Variants in TNN observed in about 807,000 individuals in gnomAD.
TNN encodes the protein tenascin N.
Under a neutral mutation model 134.4 loss-of-function variants are expected in TNN, and 122 were observed. The observed-to-expected ratio is 0.91, with a 90% CI of 0.78 to 1.06. The LOEUF (loss-of-function observed/expected upper bound fraction) is 1.06, where lower values mean the gene tolerates loss of function less well. TNN is among the 50% of genes least tolerant of loss of function. The probability of loss-of-function intolerance (pLI) is 0.00; values close to 1 mark genes in which losing one functional copy is unlikely to be tolerated. For missense variants in TNN, 1,739 were observed against 1,699.4 expected, an observed-to-expected ratio of 1.02 and a Z score of -0.41; for synonymous variants, 710 against 670.3, an observed-to-expected ratio of 1.06 and a Z score of -0.91.
At chr1:175,118,976 A>T (rs1011445632) in intron 11 of TNN, 152 bp downstream of exon 11, 1 of 1,164,700 alleles carries the variant, frequency 8.6e-7, no homozygotes, top group Admixed American at 2.9e-5. Context: ...CAAAACAAAA[A>T]CAAAAAACAA....
intron 16 of TNN, among the ~76,000 whole-genome samples, chr1:175,136,417 G>A (rs2072039): frequency 0.18 from 26,751 of 152,196 alleles, 2,445 homozygotes; most frequent in East Asian, 0.21. Context: ...AAAAGTCATA[G>A]TTCAGATACC....
chr1:175,093,426 T>C (rs1333574888), intron 6 of TNN, among the ~76,000 whole-genome samples: 1 of 152,232 alleles, frequency 6.6e-6, no homozygotes, highest in Non-Finnish European at 1.5e-5. Context: ...CATTGATAAC[T>C]CTTAAATGTC....
intron 11 of TNN, among the ~76,000 whole-genome samples, chr1:175,119,377 A>G (rs1675282615): frequency 6.6e-6 from 1 of 152,184 alleles, no homozygotes; most frequent in Non-Finnish European, 1.5e-5. Flanking sequence ...TCTCATTGCC[A>G]TCTTCGTTTT....
At chr1:175,087,595 A>AG in intron 6 of TNN, among the ~76,000 whole-genome samples, 1 of 152,222 alleles carries the variant, frequency 6.6e-6, no homozygotes, top group African/African-American at 2.4e-5. Context: ...CTTCTCTTAC[A>AG]CAGTCAACAC....
At position 175,067,903 on chromosome 1, in the gene TNN, C is replaced by T. The variant is rs6663050; in HGVS notation, c.-68C>T. 3,376 of 495,022 alleles carry T rather than the reference C, an allele frequency of 6.8e-3. 88 individuals carry two copies. The highest frequency in any genetic ancestry group is 0.059 in the African/African-American group (3,026 of 51,530). The allele number at this position is 495,022 out of a possible 1,614,324, so 30.7% of individuals were successfully genotyped here. ...GGAGGAGACCGGCTCACAGGAGCAG[C>T]AGCATTGGAAGAGGCACCCAGCAGC... is the stretch of plus-strand genomic sequence containing the variant. On this transcript the variant is annotated 5_prime_UTR_variant, in exon 1 of 19. Transcript: ENST00000239462.
intron 17 of TNN, among the ~76,000 whole-genome samples, chr1:175,138,527 C>T (rs1036366101): frequency 3.3e-5 from 5 of 151,950 alleles, no homozygotes; most frequent in Non-Finnish European, 4.4e-5. Flanking sequence ...GCTACAGACA[C>T]GGGGAAACTG....
intron 17 of TNN, 127 bp downstream of exon 17, chr1:175,137,115 G>A (rs1675832320): frequency 8.1e-6 from 8 of 990,394 alleles, no homozygotes; most frequent in Non-Finnish European, 8.9e-6. Context: ...CTCATTGACA[G>A]TGGAGGTCCT....
chr1:175,098,480 G>A lies in TNN; in HGVS notation c.2004G>A (p.Lys668=). 5 of 1,614,224 alleles carry A rather than the reference G, an allele frequency of 3.1e-6. No individual in the cohort carries two copies. Among genetic ancestry groups the A allele is most frequent in the Non-Finnish European group, 4.2e-6 (5 of 1,180,048 alleles). ...GGETREVPVG[K]EQSSTVLTGL... is the part of the protein sequence containing the mutation. The stretch of plus-strand genomic sequence containing the variant: ...AGACCAGGGAGGTTCCGGTGGGGAA[G>A]GAGCAGAGCAGCACAGTCCTGACAG... Residue 668 remains lysine, a synonymous_variant, in exon 9 of 19, where the codon AAG becomes AAA. Transcript: ENST00000239462.
At chr1:175,080,570 G>A (rs1674176954) in intron 4 of TNN, 144 bp downstream of exon 4, 2 of 1,042,374 alleles carry the variant, frequency 1.9e-6, no homozygotes, top group Admixed American at 5.1e-5. Context: ...AAGAGTCCCA[G>A]TTCTCTCTCT....
At chr1:175,088,476 T>A (rs942962633) in intron 6 of TNN, among the ~76,000 whole-genome samples, 2 of 152,190 alleles carry the variant, frequency 1.3e-5, no homozygotes, top group African/African-American at 2.4e-5. Flanking sequence ...TTTCATACTG[T>A]TTGCTTCCTA....
chr1:175,103,175 G>A (rs990020219), intron 9 of TNN, among the ~76,000 whole-genome samples: 5 of 146,554 alleles, frequency 3.4e-5, no homozygotes, highest in Non-Finnish European at 7.6e-5. Flanking sequence ...CAAGATGGCT[G>A]CCACAGGACC....
In TNN at chr1:175,110,724, A is replaced by G. The variant is rs1674996382; in HGVS notation, c.2120-6215A>G. 2.0e-5 allele frequency among the ~76,000 whole-genome samples: 3 copies of G among 152,106 alleles called. No homozygotes were observed. The South Asian group carries it at 6.2e-4, about 32-fold the overall frequency. ...TTCTCTATTCTGTTCCATTGTGCCT[A>G]TGTGTCCGTTTTTATGCCAGGTCCA... On this transcript the variant is annotated intron_variant, in intron 9 of 18. Transcript: ENST00000239462.
intron 9 of TNN, among the ~76,000 whole-genome samples, chr1:175,113,546 T>C (rs1348954141): frequency 6.6e-6 from 1 of 152,206 alleles, no homozygotes. Context: ...AAGGACCTTT[T>C]TGGGGTTGAA....
chr1:175,130,099 T>A (rs1163922579), intron 15 of TNN, among the ~76,000 whole-genome samples: 1 of 152,170 alleles, frequency 6.6e-6, no homozygotes, highest in Non-Finnish European at 1.5e-5. Context: ...CCCTTGCCCC[T>A]TTTCTCCCTG....
chr1:175,093,904 C>T, intron 6 of TNN, 86 bp from the exon 7 acceptor site: 1 of 1,434,954 alleles, frequency 7.0e-7, no homozygotes, highest in Non-Finnish European at 9.5e-7. Flanking sequence ...ACTAGGTCAC[C>T]CAGGTGAACT....
At chr1:175,108,125 T>A (rs1674905931) in intron 9 of TNN, among the ~76,000 whole-genome samples, 1 of 144,150 alleles carries the variant, frequency 6.9e-6, no homozygotes, top group Non-Finnish European at 1.5e-5. Context: ...GTTCTCCACA[T>A]CCTCACCAGA....
chr1:175,133,618 A>G (rs1675727261), intron 15 of TNN, among the ~76,000 whole-genome samples: 1 of 151,908 alleles, frequency 6.6e-6, no homozygotes, highest in Admixed American at 6.6e-5. Context: ...TACATATTGG[A>G]TGTCCTCAAG....
At chr1:175,110,217 GTTA>G (rs1197572231) in intron 9 of TNN, among the ~76,000 whole-genome samples, 3 of 152,124 alleles carry the variant, frequency 2.0e-5, no homozygotes, top group Admixed American at 1.3e-4. Flanking sequence ...GATGATGATT[GTTA>G]TTATTATTTT....
chr1:175,076,618 G>C (rs906819076), intron 1 of TNN, among the ~76,000 whole-genome samples: 1 of 152,196 alleles, frequency 6.6e-6, no homozygotes, highest in Non-Finnish European at 1.5e-5. Context: ...TGTTTTACTG[G>C]TTCACAAGTG....
Sources: gnomAD v4.1 joint callset for allele counts (sites outside exome capture counted in the v4.1 genomes callset) on GRCh38, gnomAD v4.1.1 for gene constraint, MANE v1.5 for transcripts, NCBI Gene and HGNC (gene_info 2026-07-23, HGNC 2026-07-21) for gene names.